Variants in SV2B observed in about 807,000 individuals in gnomAD.
SV2B encodes the protein solute carrier family 22 member B2.
A neutral mutation model predicts 73.9 loss-of-function variants in SV2B; 41 were observed. The ratio of observed to expected loss-of-function variants is 0.56; its 90% CI spans 0.43 to 0.72. The LOEUF (loss-of-function observed/expected upper bound fraction) is 0.72. Ranked by LOEUF, SV2B falls within the 30% of genes least tolerant of loss-of-function variation. SV2B has a pLI of 0.00. For missense variants in SV2B, 764 were observed against 857.8 expected (o/e 0.89, Z 1.37); for synonymous variants, 314 against 314.2 (o/e 1.00, Z 0.01).
intron 1 of SV2B, among the ~76,000 whole-genome samples, 186 bp from the exon 2 acceptor site, chr15:91,225,687 C>T (rs2046351624): frequency 6.6e-6 from 1 of 152,276 alleles, no homozygotes; most frequent in East Asian, 1.9e-4. Context: ...GTTCCTTCTC[C>T]TTTAGCCTCC....
chr15:91,199,432 G>A (rs752135567), intron 1 of SV2B, among the ~76,000 whole-genome samples: 13 of 152,296 alleles, frequency 8.5e-5, no homozygotes, highest in South Asian at 4.1e-4. Flanking sequence ...CAAACAACAC[G>A]AGGTCTCCTT....
chr15:91,243,596 G>A (rs2047108264), intron 2 of SV2B, among the ~76,000 whole-genome samples: 1 of 152,138 alleles, frequency 6.6e-6, no homozygotes, highest in Non-Finnish European at 1.5e-5. Flanking sequence ...ACACAGCCAG[G>A]AACCTGGGGT....
At position 91,260,329 on chromosome 15, in the gene SV2B, C is replaced by T; in HGVS notation, c.928C>T (p.His310Tyr). Residue 310 changes from histidine to tyrosine, a missense_variant, in exon 6 of 13, where the codon CAT becomes TAT. Coordinates refer to ENST00000394232, the MANE Select transcript of SV2B (RefSeq NM_001323032.3). Reference sequence around the variant, plus strand: ...TCCTTGGTTTCACCAGATGGGCAAACATGATGAAGCCTGGATGATTCTCAA... The same window carrying T: ...TCCTTGGTTTCACCAGATGGGCAAATATGATGAAGCCTGGATGATTCTCAA... Reference protein sequence around the residue: ...SPRFLLEMGKHDEAWMILKQV... With the variant: ...SPRFLLEMGKYDEAWMILKQV... The T allele has an allele frequency of 6.2e-7, 1 of 1,609,992 alleles. No individual in the cohort carries two copies. The highest frequency in any genetic ancestry group is 8.5e-7 in the Non-Finnish European group (1 of 1,178,968).
At chr15:91,152,344 G>A (rs2141221127) in intron 1 of SV2B, among the ~76,000 whole-genome samples, 1 of 152,286 alleles carries the variant, frequency 6.6e-6, no homozygotes, top group East Asian at 1.9e-4. Flanking sequence ...GGTGGGAGCT[G>A]CCAGCTTTGC....
chr15:91,217,234 C>T (rs1349621342), intron 1 of SV2B, among the ~76,000 whole-genome samples: 1 of 152,190 alleles, frequency 6.6e-6, no homozygotes, highest in East Asian at 1.9e-4. Context: ...CTTCTATGTT[C>T]AAGACTGTTT....
chr15:91,134,702 A>G (rs1452504394), intron 1 of SV2B, among the ~76,000 whole-genome samples: 1 of 152,208 alleles, frequency 6.6e-6, no homozygotes, highest in African/African-American at 2.4e-5. Flanking sequence ...TTGGAGTAAC[A>G]TATATGAAGT....
intron 1 of SV2B, among the ~76,000 whole-genome samples, chr15:91,172,144 A>G (rs976585197): frequency 6.6e-6 from 1 of 152,214 alleles, no homozygotes; most frequent in Non-Finnish European, 1.5e-5. Flanking sequence ...GAAAAGCCTG[A>G]ACTCCCTCAC....
At chr15:91,185,435 A>G (rs544128548) in intron 1 of SV2B, among the ~76,000 whole-genome samples, 3 of 152,300 alleles carry the variant, frequency 2.0e-5, no homozygotes, top group South Asian at 2.1e-4. Flanking sequence ...ACTGTTATCT[A>G]CTTAATTTGT....
chr15:91,281,584 TG>T lies in SV2B; in HGVS notation c.1374-140del. The stretch of plus-strand genomic sequence containing the variant: ...CACTAATAAACAAACAGCTAAGAAG[TG>T]GGGAAGTGGTCTGGGTTGAAAATAA... On this transcript the variant is annotated intron_variant, in intron 9 of 12. Coordinates refer to ENST00000394232, the MANE Select transcript of SV2B (RefSeq NM_001323032.3). This position sits in a 1 kb window ranked among gnomAD's most constrained non-coding sequence, Gnocchi z 4.7. 1.1e-6 allele frequency: 1 copy of T among 890,612 alleles called. No individual in the cohort carries two copies. Among genetic ancestry groups the T allele is most frequent in the Non-Finnish European group, 1.6e-6 (1 of 609,298 alleles). The allele number at this position is 890,612 out of a possible 1,614,324, so 55.2% of individuals were successfully genotyped here. A position where few individuals can be genotyped will look rare whatever the true frequency, so the allele number is the denominator to read the frequency against.
rs538574651 is a variant in SV2B at position 91,124,983 on chromosome 15, C to T, written c.-392+24620C>T. Among the ~76,000 whole-genome samples the T allele has an allele frequency of 1.4e-4, 21 of 152,282 alleles. 1 individual carries two copies. The highest frequency in any genetic ancestry group is 6.8e-3 in the Middle Eastern group (2 of 294). On this transcript the variant is annotated intron_variant, in intron 1 of 12. Transcript: ENST00000394232. This position sits in a 1 kb window ranked among gnomAD's most constrained non-coding sequence, Gnocchi z 4.6. ...AATTTATTTCTGGTGGTTTTGAAGGCTGGAAGTCCAAGGTCAGGGTGTGGT... is the reference window on the plus strand; with the variant it reads ...AATTTATTTCTGGTGGTTTTGAAGGTTGGAAGTCCAAGGTCAGGGTGTGGT...
chr15:91,204,311 T>C (rs1026103108), intron 1 of SV2B, among the ~76,000 whole-genome samples: 1 of 152,166 alleles, frequency 6.6e-6, no homozygotes, highest in Non-Finnish European at 1.5e-5. Flanking sequence ...ACTCAGTTCC[T>C]TGGTTGCACT....
Position 91,293,500 on chromosome 15 carries a change from TTC to T in SV2B, c.*953_*954del, listed in dbSNP as rs1189890976. ...TTGTGCAGGTGTAGTGAGTAGTTAC[TTC>T]TCTCCCTTACACAGATGACTTGTGA... On this transcript the variant is annotated 3_prime_UTR_variant, in exon 13 of 13. Transcript: ENST00000394232. 1 of 152,224 alleles carries T rather than the reference TTC, an allele frequency of 6.6e-6. No individual in the cohort carries two copies. The highest frequency in any genetic ancestry group is 2.4e-5 in the African/African-American group (1 of 41,452). 9.4% of individuals were successfully genotyped at this position (152,224 alleles called of 1,614,324 possible).
At position 91,197,907 on chromosome 15, in the gene SV2B, C is replaced by T. The variant is rs2045309004; in HGVS notation, c.-391-27966C>T. Among the ~76,000 whole-genome samples, 1 of 151,872 alleles carries T rather than the reference C, an allele frequency of 6.6e-6. No individual in the cohort carries two copies. Among genetic ancestry groups the T allele is most frequent in the Non-Finnish European group, 1.5e-5 (1 of 67,936 alleles). On this transcript the variant is annotated intron_variant, in intron 1 of 12. Coordinates refer to ENST00000394232, the MANE Select transcript of SV2B (RefSeq NM_001323032.3). This position sits in a 1 kb window ranked among gnomAD's most constrained non-coding sequence, Gnocchi z 4.9. ...AAATTAGCCAGGCATGGTGGGGGAC[C>T]CGTGTAATCCCAGCTACTTGGCAGG...
At chr15:91,176,153 C>T (rs1161391886) in intron 1 of SV2B, among the ~76,000 whole-genome samples, 2 of 149,912 alleles carry the variant, frequency 1.3e-5, no homozygotes, top group East Asian at 2.0e-4. Context: ...GGTTTTTTGT[C>T]CTTGTGATAG....
In SV2B at chr15:91,288,344, G is replaced by C. The variant is rs539821916; in HGVS notation, c.1709-1177G>C. Among the ~76,000 whole-genome samples the C allele has an allele frequency of 3.3e-5, 5 of 152,216 alleles. No individual in the cohort carries two copies. In the South Asian group the frequency reaches 6.2e-4, roughly 19 times the overall value. Reference sequence around the variant, plus strand: ...TATTTTCATGCATATATACGATGTGGAATGATTAAGTCAAGCTAATTAACA... The same window carrying C: ...TATTTTCATGCATATATACGATGTGCAATGATTAAGTCAAGCTAATTAACA... On this transcript the variant is annotated intron_variant, in intron 11 of 12. Coordinates refer to ENST00000394232, the MANE Select transcript of SV2B (RefSeq NM_001323032.3). This position sits in a 1 kb window ranked among gnomAD's most constrained non-coding sequence, Gnocchi z 5.8.
At chr15:91,138,878 A>G (rs892953812) in intron 1 of SV2B, among the ~76,000 whole-genome samples, 3 of 152,218 alleles carry the variant, frequency 2.0e-5, no homozygotes, top group Non-Finnish European at 2.9e-5. Flanking sequence ...AATAAGGCAC[A>G]ATGAATAAAA....
chr15:91,151,030 G>A (rs1387759367), intron 1 of SV2B, among the ~76,000 whole-genome samples: 1 of 152,228 alleles, frequency 6.6e-6, no homozygotes, highest in Non-Finnish European at 1.5e-5. Flanking sequence ...TCATCCAGAT[G>A]ATCCTCAGTC....
chr15:91,214,258 G>A lies in SV2B; in HGVS notation c.-391-11615G>A, dbSNP rs75951885. Among the ~76,000 whole-genome samples the A allele has an allele frequency of 0.024, 3,649 of 152,224 alleles. 62 individuals are homozygous for A. Among genetic ancestry groups the A allele is most frequent in the Middle Eastern group, 0.068 (20 of 294 alleles). ...AGTGGAAGTGCTAAAAAACCAGAGG[G>A]TCTCACCCAAGAAGGCCTCAGATTT... On this transcript the variant is annotated intron_variant, in intron 1 of 12. Coordinates refer to ENST00000394232, the MANE Select transcript of SV2B (RefSeq NM_001323032.3). This position sits in a 1 kb window ranked among gnomAD's most constrained non-coding sequence, Gnocchi z 4.7.
chr15:91,185,885 C>T (rs1015125226), intron 1 of SV2B, among the ~76,000 whole-genome samples: 38 of 152,188 alleles, frequency 2.5e-4, no homozygotes, highest in African/African-American at 8.4e-4. Context: ...CATCACTACA[C>T]CACTCCATGA....
Sources: gnomAD v4.1 joint callset for allele counts (sites outside exome capture counted in the v4.1 genomes callset) on GRCh38, gnomAD v4.1.1 for gene constraint, Gnocchi (gnomAD v3.1) non-coding constraint, MANE v1.5 for transcripts, NCBI Gene and HGNC (gene_info 2026-07-23, HGNC 2026-07-21) for gene names.